The following CABIN1 variants were observed in gnomAD, a reference collection of about 807,000 sequenced individuals.
The protein encoded by CABIN1 is calcineurin binding protein 1.
CABIN1 carries 133 observed loss-of-function variants against 227.7 expected under a neutral mutation model. The observed-to-expected ratio is 0.58, with a 90% confidence interval of 0.51 to 0.67. The LOEUF (loss-of-function observed/expected upper bound fraction) is 0.67, where lower values mean the gene tolerates loss of function less well. Among genes scored for constraint, CABIN1 ranks in the 30% least tolerant of loss-of-function variants. The pLI, the probability that CABIN1 is intolerant of heterozygous loss-of-function variation, is 0.00. For missense variants in CABIN1, 2,408 were observed against 2,852.5 expected (o/e 0.84, Z 3.55); for synonymous variants, 1,086 against 1,155.1 (o/e 0.94, Z 1.21).
chr22:24,116,639 C>T (rs2043103799), intron 27 of CABIN1, among the ~76,000 whole-genome samples: 2 of 152,218 alleles, frequency 1.3e-5, no homozygotes, highest in African/African-American at 4.8e-5. Context: ...GACTTGAGGT[C>T]CTTGCTGGGG....
chr22:24,084,504 C>T, intron 20 of CABIN1, 75 bp from the exon 21 acceptor site: 1 of 1,176,248 alleles, frequency 8.5e-7, no homozygotes. Context: ...AAGTGCGTTT[C>T]TATGGAGGAA....
At chr22:24,147,607 C>A (rs1163590535) in intron 29 of CABIN1, among the ~76,000 whole-genome samples, 1 of 151,804 alleles carries the variant, frequency 6.6e-6, no homozygotes, top group East Asian at 1.9e-4. Flanking sequence ...CCCCACCACA[C>A]CCAGCGCACA....
At chr22:24,062,597 A>G (rs927106385) in intron 13 of CABIN1, among the ~76,000 whole-genome samples, 5 of 151,922 alleles carry the variant, frequency 3.3e-5, no homozygotes, top group African/African-American at 1.2e-4. Flanking sequence ...GACCTCTAGT[A>G]ATCCGCCCAC....
Position 24,167,254 on chromosome 22 carries a change from G to A in CABIN1, c.5623G>A (p.Ala1875Thr), listed in dbSNP as rs2046507208. The A allele has an allele frequency of 6.2e-7, 1 of 1,613,482 alleles. No individual in the cohort carries two copies. Among genetic ancestry groups the A allele is most frequent in the Non-Finnish European group, 8.5e-7 (1 of 1,180,010 alleles). ...GTGGCAGCAGGGCCAGAAGGGTGTG[G>A]CCTATGACCTGGGCCGTGTGGAGAG... Reference protein sequence around the residue: ...RVWQQGQKGVAYDLGRVERIM... With the variant: ...RVWQQGQKGVTYDLGRVERIM... The change falls in exon 32 of 37, where the codon GCC becomes ACC. Residue 1875 changes from alanine (A) to threonine (T), a missense_variant. Around this residue, in one of 3 missense-constraint regions of CABIN1, gnomAD observed 714 missense variants for 773.8 expected, o/e 0.92. Transcript: ENST00000263119.
At chr22:24,050,694 TG>T in intron 7 of CABIN1, 130 bp from the exon 8 acceptor site, 1 of 1,071,662 alleles carries the variant, frequency 9.3e-7, no homozygotes, top group Non-Finnish European at 1.4e-6. Flanking sequence ...CAGACTGAAG[TG>T]GTTATTTTAT....
rs1306648516 is a variant in CABIN1 at position 24,063,083 on chromosome 22, G to A, written c.1821G>A (p.Glu607=). ...CCTCGTCCCAGCGCGACCTGTTCGA[G>A]GATGGTTGGCTGGAGTTTGTGGTCC... ...SFASSQRDLF[E]DGWLEFVVRV... The change falls in exon 14 of 37, where the codon GAG becomes GAA. Residue 607 remains glutamate, a synonymous_variant. Coordinates refer to ENST00000263119, the MANE Select transcript of CABIN1 (RefSeq NM_012295.4). The A allele has an allele frequency of 2.2e-5, 35 of 1,614,238 alleles. No individual in the cohort carries two copies. The highest frequency in any genetic ancestry group is 3.0e-5 in the Non-Finnish European group (35 of 1,180,044).
chr22:24,174,178 A>T (rs749287260), intron 34 of CABIN1, among the ~76,000 whole-genome samples: 4 of 151,172 alleles, frequency 2.6e-5, no homozygotes, highest in Non-Finnish European at 4.4e-5. Flanking sequence ...CCCAGGCTGG[A>T]GTGCAGCAGT....
chr22:24,038,362 T>G lies in CABIN1; in HGVS notation c.111T>G (p.Phe37Leu). 1 of 1,613,834 alleles carries G rather than the reference T, an allele frequency of 6.2e-7. No homozygotes were observed. Among genetic ancestry groups the G allele is most frequent in the Non-Finnish European group, 8.5e-7 (1 of 1,179,672 alleles). The stretch of plus-strand genomic sequence containing the variant: ...TTGATTTGCAGGAAGCAGAGGCTTT[T>G]GCATTGTACCACAAGGCCCTTGATC... ...QTKEAQEAEA[F>L]ALYHKALDLQ... Residue 37 changes from phenylalanine (F) to leucine (L), a missense_variant, in exon 4 of 37, where the codon TTT becomes TTG. Phe to Leu is a conservative substitution (Grantham distance 22). Coordinates refer to ENST00000263119, the MANE Select transcript of CABIN1 (RefSeq NM_012295.4).
At chr22:24,140,289 T>C (rs1183772841) in intron 29 of CABIN1, among the ~76,000 whole-genome samples, 1 of 152,178 alleles carries the variant, frequency 6.6e-6, no homozygotes, top group Admixed American at 6.5e-5. Context: ...GCAGCACAGA[T>C]GGACGTGTAG....
chr22:24,063,037 ACCT>A lies in CABIN1; in HGVS notation c.1779_1781del (p.Leu594del). 4 of 1,614,004 alleles carry A rather than the reference ACCT, an allele frequency of 2.5e-6. No homozygotes were observed. Among genetic ancestry groups the A allele is most frequent in the Non-Finnish European group, 3.4e-6 (4 of 1,179,988 alleles). On this transcript the variant is annotated inframe_deletion, in exon 14 of 37. Transcript: ENST00000263119. ...TTCCCAGGGACCCACTGCCTGGGTGACCTCCTACAGCTGTCATTTGCCTCGTCC... is the reference window on the plus strand; with the variant it reads ...TTCCCAGGGACCCACTGCCTGGGTGACCTACAGCTGTCATTTGCCTCGTCC...
chr22:24,172,071 T>A (rs1380057262), intron 34 of CABIN1, 76 bp downstream of exon 34: 1 of 1,525,190 alleles, frequency 6.6e-7, no homozygotes, highest in Non-Finnish European at 8.8e-7. Context: ...AGAGTGTGAG[T>A]ATGGGTAAGG....
chr22:24,049,389 G>A (rs1015565858), intron 7 of CABIN1, among the ~76,000 whole-genome samples, 169 bp downstream of exon 7: 3 of 152,136 alleles, frequency 2.0e-5, no homozygotes, highest in Admixed American at 6.5e-5. Context: ...GGACTGCCTT[G>A]TTGATCACCC....
intron 16 of CABIN1, among the ~76,000 whole-genome samples, chr22:24,067,917 T>G (rs1422494845): frequency 6.6e-6 from 1 of 152,178 alleles, no homozygotes; most frequent in Non-Finnish European, 1.5e-5. Context: ...GGCACCGAGA[T>G]AAACATGGAA....
At chr22:24,088,313 A>T (rs900597704) in intron 23 of CABIN1, among the ~76,000 whole-genome samples, 5 of 152,264 alleles carry the variant, frequency 3.3e-5, no homozygotes, top group Non-Finnish European at 7.4e-5. Context: ...TACCGTCTTT[A>T]AAAAAATTAC....
chr22:24,055,889 C>T (rs970187057), intron 9 of CABIN1, among the ~76,000 whole-genome samples: 3 of 152,148 alleles, frequency 2.0e-5, no homozygotes, highest in Non-Finnish European at 2.9e-5. Context: ...AGTGAGACTC[C>T]GAAGTTCAGC....
At position 24,055,160 on chromosome 22, in the gene CABIN1, G is replaced by T. The variant is rs772657783; in HGVS notation, c.1093+1G>T. 28 of 1,609,732 alleles carry T rather than the reference G, an allele frequency of 1.7e-5. No homozygotes were observed. Among genetic ancestry groups the T allele is most frequent in the Non-Finnish European group, 2.4e-5 (28 of 1,180,006 alleles). On this transcript the variant is annotated splice_donor_variant, in intron 9 of 36. Transcript: ENST00000263119. LOFTEE classifies it high-confidence loss of function. ...CTGTTGGAGACAGGCGCTCCTGTGG[G>T]TAAGCAGGCCCCCTGAATTTGGCTT...
chr22:24,091,874 C>A (rs1044214704), intron 24 of CABIN1, 31 bp downstream of exon 24: 2 of 1,609,830 alleles, frequency 1.2e-6, no homozygotes, highest in African/African-American at 2.7e-5. Flanking sequence ...GGCGGGGAAG[C>A]AGGGCAGGGG....
At chr22:24,134,559 A>T in intron 29 of CABIN1, 144 bp downstream of exon 29, 2 of 698,130 alleles carry the variant, frequency 2.9e-6, no homozygotes, top group East Asian at 2.8e-5. Context: ...GGTACAGTCG[A>T]GAGTGAGCCA....
chr22:24,161,966 G>T (rs191118042), intron 29 of CABIN1: 4 of 152,230 alleles, frequency 2.6e-5, no homozygotes, highest in African/African-American at 7.2e-5. Flanking sequence ...GAGGGAGAGG[G>T]CTGCTGTGGC....
Sources: gnomAD v4.1 joint callset for allele counts (sites outside exome capture counted in the v4.1 genomes callset) on GRCh38, gnomAD v4.1.1 for gene constraint, gnomAD v4.1.1 regional missense constraint, MANE v1.5 for transcripts, NCBI Gene and HGNC (gene_info 2026-07-23, HGNC 2026-07-21) for gene names.